Variants in GUCY1A2 observed in about 807,000 individuals in gnomAD.
GUCY1A2 encodes the protein guanylate cyclase 1 soluble subunit alpha 2.
A neutral mutation model predicts 63.5 loss-of-function variants in GUCY1A2; 27 were observed. The observed-to-expected ratio is 0.43, with a 90% CI of 0.31 to 0.59. The LOEUF (loss-of-function observed/expected upper bound fraction) is 0.59, where lower values mean the gene tolerates loss of function less well. Among genes scored for constraint, GUCY1A2 ranks in the 20% least tolerant of loss-of-function variants. The probability of loss-of-function intolerance (pLI) is 0.11; values close to 1 mark genes in which losing one functional copy is unlikely to be tolerated. For missense variants in GUCY1A2, 768 were observed against 913.3 expected, an observed-to-expected ratio of 0.84 and a Z score of 2.05; for synonymous variants, 364 against 343.5, an observed-to-expected ratio of 1.06 and a Z score of -0.66.
intron 4 of GUCY1A2, among the ~76,000 whole-genome samples, chr11:106,902,573 G>T (rs118124328): frequency 0.012 from 1,889 of 152,186 alleles, 26 homozygotes; most frequent in South Asian, 0.046. Flanking sequence ...ATCTTAGCTA[G>T]ATCTTCTGGA....
chr11:106,710,234 ATATAATATATAGT>A lies in GUCY1A2; in HGVS notation c.1837-1581_1837-1569del, dbSNP rs1344840429. On this transcript the variant is annotated intron_variant, in intron 6 of 7. Coordinates refer to ENST00000526355, the MANE Select transcript of GUCY1A2 (RefSeq NM_000855.3). ...ATACATGTATATAATATAGTTATATATATAATATATAGTTATATATTATATACATGTATATAAT... is the reference window on the plus strand; with the variant it reads ...ATACATGTATATAATATAGTTATATATATATATTATATACATGTATATAAT... 4.7e-4 allele frequency among the ~76,000 whole-genome samples: 16 copies of A among 33,816 alleles called. 1 individual carries two copies. The highest frequency in any genetic ancestry group is 2.0e-3 in the African/African-American group (15 of 7,322). 22.2% of individuals were successfully genotyped at this position (33,816 alleles called of 152,430 possible). A position where few individuals can be genotyped will look rare whatever the true frequency, so the allele number is the denominator to read the frequency against.
chr11:106,892,871 A>C (rs1375549477), intron 4 of GUCY1A2, among the ~76,000 whole-genome samples: 1 of 152,190 alleles, frequency 6.6e-6, no homozygotes, highest in Non-Finnish European at 1.5e-5. Flanking sequence ...GAGAATTCTT[A>C]AAGTCCTTTC....
chr11:106,967,479 A>T (rs941668195), intron 3 of GUCY1A2, among the ~76,000 whole-genome samples: 1 of 152,150 alleles, frequency 6.6e-6, no homozygotes, highest in African/African-American at 2.4e-5. Flanking sequence ...ACAAAACCCT[A>T]TTGCATGTCA....
chr11:106,960,949 T>C (rs1299059699), intron 3 of GUCY1A2, among the ~76,000 whole-genome samples: 1 of 151,776 alleles, frequency 6.6e-6, no homozygotes, highest in Non-Finnish European at 1.5e-5. Flanking sequence ...TTAGTGAAAA[T>C]CCAAACCTTT....
chr11:106,906,282 T>C (rs766230662), intron 4 of GUCY1A2, among the ~76,000 whole-genome samples: 20 of 152,110 alleles, frequency 1.3e-4, no homozygotes, highest in Non-Finnish European at 2.6e-4. Flanking sequence ...GGGCGAACGA[T>C]ATGAACAGAC....
At chr11:106,854,970 T>G (rs1474895856) in intron 4 of GUCY1A2, among the ~76,000 whole-genome samples, 2 of 152,160 alleles carry the variant, frequency 1.3e-5, no homozygotes, top group Admixed American at 1.3e-4. Flanking sequence ...ATGCCAGATT[T>G]AGCTGTCATT....
intron 4 of GUCY1A2, among the ~76,000 whole-genome samples, chr11:106,856,553 T>C (rs898946475): frequency 2.0e-5 from 3 of 152,228 alleles, no homozygotes; most frequent in Admixed American, 1.3e-4. Flanking sequence ...TGAAACTATG[T>C]TAAATATTTC....
intron 6 of GUCY1A2, among the ~76,000 whole-genome samples, chr11:106,731,970 T>G (rs1236312622): frequency 1.3e-5 from 2 of 152,212 alleles, no homozygotes; most frequent in Non-Finnish European, 2.9e-5. Flanking sequence ...ATAGCCATAC[T>G]GCTCAAAGCA....
chr11:106,927,351 C>T, intron 4 of GUCY1A2, among the ~76,000 whole-genome samples: 1 of 150,250 alleles, frequency 6.7e-6, no homozygotes, highest in East Asian at 2.0e-4. Flanking sequence ...CCAGCCTGGG[C>T]AACAGAGCGA....
At chr11:106,831,838 T>C (rs534821952) in intron 4 of GUCY1A2, among the ~76,000 whole-genome samples, 52 of 152,316 alleles carry the variant, frequency 3.4e-4, no homozygotes, top group Non-Finnish European at 5.4e-4. Context: ...CCTTGACTAA[T>C]ATACCAGGTC....
intron 4 of GUCY1A2, among the ~76,000 whole-genome samples, chr11:106,937,576 A>G (rs938122649): frequency 2.6e-5 from 4 of 152,208 alleles, no homozygotes; most frequent in African/African-American, 4.8e-5. Flanking sequence ...GCTTCTGTAA[A>G]ACAGAACTGA....
At chr11:106,913,848 G>C (rs1396674463) in intron 4 of GUCY1A2, among the ~76,000 whole-genome samples, 1 of 151,934 alleles carries the variant, frequency 6.6e-6, no homozygotes, top group African/African-American at 2.4e-5. Context: ...CCTTATGCTT[G>C]AAGGCCAAAG....
chr11:106,942,682 C>G (rs1398961463), intron 3 of GUCY1A2, among the ~76,000 whole-genome samples: 1 of 152,134 alleles, frequency 6.6e-6, no homozygotes, highest in African/African-American at 2.4e-5. Context: ...AAAAGGTCCT[C>G]ACAGTTATGG....
chr11:106,841,940 T>C (rs1310219911), intron 4 of GUCY1A2, among the ~76,000 whole-genome samples: 2 of 151,896 alleles, frequency 1.3e-5, no homozygotes, highest in African/African-American at 4.8e-5. Context: ...AGAACCACCT[T>C]CCACCTTCTG....
At chr11:106,885,244 AT>A (rs1462877274) in intron 4 of GUCY1A2, among the ~76,000 whole-genome samples, 3 of 152,188 alleles carry the variant, frequency 2.0e-5, no homozygotes, top group Admixed American at 6.5e-5. Flanking sequence ...ATTTTGTACA[AT>A]GAATGTGTCA....
intron 3 of GUCY1A2, among the ~76,000 whole-genome samples, chr11:106,968,813 A>G (rs1047717178): frequency 2.3e-3 from 5 of 2,222 alleles, no homozygotes; most frequent in African/African-American, 9.1e-3. Flanking sequence ...AAAACTTACC[A>G]TTTCTCAAGG....
At chr11:106,746,708 CA>C (rs1863794405) in intron 6 of GUCY1A2, 1 of 871,862 alleles carries the variant, frequency 1.1e-6, no homozygotes, top group Non-Finnish European at 1.8e-6. Context: ...AGTACTGTGA[CA>C]TTTTTTATTT....
intron 2 of GUCY1A2, among the ~76,000 whole-genome samples, chr11:106,982,562 C>G (rs567513011): frequency 6.6e-6 from 1 of 152,158 alleles, no homozygotes; most frequent in African/African-American, 2.4e-5. Context: ...ACAAAGTCAA[C>G]CTGACACGAT....
Position 107,007,472 on chromosome 11 carries a change from G to A in GUCY1A2, c.303+10281C>T, listed in dbSNP as rs80294320. Among the ~76,000 whole-genome samples, 815 of 152,180 alleles carry A rather than the reference G, an allele frequency of 5.4e-3. 5 individuals are homozygous for A. Among genetic ancestry groups the A allele is most frequent in the Admixed American group, 0.026 (393 of 15,276 alleles). The stretch of plus-strand genomic sequence containing the variant: ...TGAAGACATAACCCTCCACTCCAGC[G>A]GATTGTCCCCAAACACCTCAAGCTC... On this transcript the variant is annotated intron_variant, in intron 1 of 7. Transcript: ENST00000526355.
Sources: gnomAD v4.1 joint callset for allele counts (sites outside exome capture counted in the v4.1 genomes callset) on GRCh38, gnomAD v4.1.1 for gene constraint, MANE v1.5 for transcripts, NCBI Gene and HGNC (gene_info 2026-07-23, HGNC 2026-07-21) for gene names.